P2RX3: variants seen among roughly 807,000 people sequenced by gnomAD.
P2RX3 encodes purinergic receptor P2X 3, also known as P2X purinoceptor 3.
In P2RX3, 41 loss-of-function variants were observed where a neutral mutation model predicts 51.5. The ratio of observed to expected loss-of-function variants is 0.80; its 90% CI spans 0.62 to 1.03. The LOEUF is 1.03. Among genes scored for constraint, P2RX3 ranks in the 50% least tolerant of loss-of-function variants. P2RX3 has a pLI of 0.00. For synonymous variants in P2RX3, 185 were observed against 191.6 expected (o/e 0.97, Z 0.29); for missense variants, 459 against 522.1 (o/e 0.88, Z 1.18).
At chr11:57,362,854 T>A (rs1856742230) in intron 8 of P2RX3, among the ~76,000 whole-genome samples, 1 of 152,152 alleles carries the variant, frequency 6.6e-6, no homozygotes, top group Admixed American at 6.5e-5. Context: ...CAGTGTCGGG[T>A]CACAGAGGAG....
intron 8 of P2RX3, among the ~76,000 whole-genome samples, chr11:57,367,293 G>T (rs1018446575): frequency 9.2e-5 from 14 of 152,204 alleles, no homozygotes; most frequent in Non-Finnish European, 2.1e-4. Context: ...AAGCGGCAGA[G>T]CCAGGCTTTG....
At chr11:57,351,455 T>A (rs1590630145) in intron 8 of P2RX3, among the ~76,000 whole-genome samples, 1 of 152,346 alleles carries the variant, frequency 6.6e-6, no homozygotes, top group Non-Finnish European at 1.5e-5. Flanking sequence ...ATCATCCCAA[T>A]GGCTTTGAGA....
At chr11:57,343,577 T>C (rs12419699) in intron 1 of P2RX3, among the ~76,000 whole-genome samples, 11,763 of 152,308 alleles carry the variant, frequency 0.077, 579 homozygotes, top group Non-Finnish European at 0.11. Flanking sequence ...ATAACGAAGC[T>C]GTCTCAGTAA....
chr11:57,351,840 T>C (rs187074767), intron 8 of P2RX3, among the ~76,000 whole-genome samples: 1 of 152,282 alleles, frequency 6.6e-6, no homozygotes, highest in East Asian at 1.9e-4. Flanking sequence ...TTATTAAAGG[T>C]TTTGTTTTCT....
At chr11:57,349,955 A>T (rs1266493372) in intron 7 of P2RX3, 57 bp downstream of exon 7, 1 of 1,605,680 alleles carries the variant, frequency 6.2e-7, no homozygotes, top group Non-Finnish European at 8.5e-7. Context: ...GCCCTTTCCC[A>T]GATTTCAGGG....
upstream of P2RX3, among the ~76,000 whole-genome samples, chr11:57,337,246 T>C (rs186936051): frequency 0.017 from 2,409 of 141,520 alleles, 79 homozygotes; most frequent in African/African-American, 0.061. Context: ...GAGCTGAGAT[T>C]GTGCCACTGC....
chr11:57,348,299 C>G lies in P2RX3; in HGVS notation c.485+36C>G, dbSNP rs200541015. ...AAGCCAGACAGGAGGAGACAGGCCC[C>G]CACCTCAGCTCCCCTTTGCCCATGT... On this transcript the variant is annotated intron_variant, in intron 5 of 11. Coordinates refer to ENST00000263314, the MANE Select transcript of P2RX3 (RefSeq NM_002559.5). 3.5e-5 allele frequency: 54 copies of G among 1,542,090 alleles called. No homozygotes were observed. The South Asian group carries it at 6.1e-4, about 17-fold the overall frequency.
At chr11:57,348,098 G>C in intron 4 of P2RX3, 72 bp from the exon 5 acceptor site, 1 of 1,341,214 alleles carries the variant, frequency 7.5e-7, no homozygotes, top group Non-Finnish European at 1.0e-6. Flanking sequence ...TGGGGGGAAG[G>C]GAAGAGGGAG....
chr11:57,349,644 A>C, intron 6 of P2RX3, 113 bp from the exon 7 acceptor site: 1 of 1,332,956 alleles, frequency 7.5e-7, no homozygotes, highest in South Asian at 1.3e-5. Context: ...GGTCCAGATG[A>C]AGGCTGAGGG....
In P2RX3 at chr11:57,368,412, T is replaced by C. The variant is rs778136962; in HGVS notation, c.977T>C (p.Val326Ala). 6.2e-7 allele frequency: 1 copy of C among 1,614,186 alleles called. No individual in the cohort carries two copies. Among genetic ancestry groups the C allele is most frequent in the Non-Finnish European group, 8.5e-7 (1 of 1,180,034 alleles). The change falls in exon 10 of 12, where the codon GTG (valine) becomes GCG (alanine). Residue 326 changes from valine to alanine, a missense_variant. Val to Ala is a moderately conservative substitution (Grantham distance 64, BLOSUM62 0). Transcript: ENST00000263314. The part of the protein sequence containing the change: ...FNIIPTIISS[V>A]AAFTSVGVGT... ...ATCATCCCCACCATCATCAGCTCTG[T>C]GGCGGCCTTTACTTCTGTGGGAGTG...
intron 6 of P2RX3, 86 bp downstream of exon 6, chr11:57,348,790 C>A: frequency 1.1e-6 from 1 of 915,748 alleles, no homozygotes; most frequent in Non-Finnish European, 1.7e-6. Flanking sequence ...GATGCCCCCT[C>A]GCCACAGTTC....
intron 10 of P2RX3, 45 bp downstream of exon 10, chr11:57,368,482 G>A (rs1565074580): frequency 3.1e-6 from 5 of 1,601,652 alleles, no homozygotes; most frequent in Non-Finnish European, 4.3e-6. Flanking sequence ...TCAGAGTGGG[G>A]CCCGGACTGG....
chr11:57,339,217 T>C (rs772935709), intron 1 of P2RX3, among the ~76,000 whole-genome samples: 60 of 151,738 alleles, frequency 4.0e-4, no homozygotes, highest in Non-Finnish European at 6.9e-4. Context: ...ATGGGTGAGA[T>C]GGTGAGAGAG....
chr11:57,348,414 G>T, intron 5 of P2RX3, 151 bp downstream of exon 5: 2 of 796,168 alleles, frequency 2.5e-6, no homozygotes, highest in Non-Finnish European at 2.0e-6. Flanking sequence ...CAGGCCCAGG[G>T]TATCATCTTC....
At chr11:57,343,571 C>T (rs561851007) in intron 1 of P2RX3, among the ~76,000 whole-genome samples, 5 of 152,296 alleles carry the variant, frequency 3.3e-5, no homozygotes, top group South Asian at 4.1e-4. Flanking sequence ...AAGGTAATAA[C>T]GAAGCTGTCT....
In P2RX3 at chr11:57,370,062, G is replaced by A; in HGVS notation, c.*65G>A. On this transcript the variant is annotated 3_prime_UTR_variant, in exon 12 of 12. Transcript: ENST00000263314. ...CCTCCCCACAGAGGACCCTGCCTGA[G>A]CAAGGGGCATGGGAGGGAAGAGGGG... is the stretch of plus-strand genomic sequence containing the variant. The A allele has an allele frequency of 9.5e-7, 1 of 1,056,112 alleles. No individual in the cohort carries two copies. The allele number at this position is 1,056,112 out of a possible 1,614,324, so 65.4% of individuals were successfully genotyped here. A position where few individuals can be genotyped will look rare whatever the true frequency, so the allele number is the denominator to read the frequency against.
At chr11:57,357,282 T>C (rs1856645493) in intron 8 of P2RX3, among the ~76,000 whole-genome samples, 1 of 152,138 alleles carries the variant, frequency 6.6e-6, no homozygotes, top group Non-Finnish European at 1.5e-5. Flanking sequence ...ATCTCACCAC[T>C]GCACTCCAGC....
intron 8 of P2RX3, 88 bp downstream of exon 8, chr11:57,350,986 T>TC: frequency 1.3e-6 from 2 of 1,571,992 alleles, no homozygotes; most frequent in South Asian, 1.2e-5. Flanking sequence ...CCCACATCCA[T>TC]CCACCCACCC....
chr11:57,369,572 C>A, intron 11 of P2RX3, 134 bp downstream of exon 11: 1 of 840,616 alleles, frequency 1.2e-6, no homozygotes, highest in South Asian at 1.8e-5. Context: ...ATTTGGGGTC[C>A]AGACAAGGGA....
Sources: gnomAD v4.1 joint callset for allele counts (sites outside exome capture counted in the v4.1 genomes callset) on GRCh38, gnomAD v4.1.1 for gene constraint, MANE v1.5 for transcripts, NCBI Gene and HGNC (gene_info 2026-07-23, HGNC 2026-07-21) for gene names.